Variants in LRRTM4 observed in about 807,000 individuals in gnomAD.
LRRTM4 encodes the protein leucine-rich repeat transmembrane neuronal protein 4.
In LRRTM4, 25 loss-of-function variants were observed where a neutral mutation model predicts 47.6. The observed-to-expected ratio is 0.53, with a 90% confidence interval of 0.38 to 0.73. LRRTM4 has a LOEUF of 0.73. Ranked by LOEUF, LRRTM4 falls within the 30% of genes least tolerant of loss-of-function variation. The pLI, the probability that LRRTM4 is intolerant of heterozygous loss-of-function variation, is 0.00. For missense variants in LRRTM4, 638 were observed against 713.4 expected (o/e 0.89, Z 1.20); for synonymous variants, 311 against 269.5 (o/e 1.15, Z -1.51).
chr2:77,137,927 A>G (rs1251456326), intron 3 of LRRTM4, among the ~76,000 whole-genome samples: 2 of 152,160 alleles, frequency 1.3e-5, no homozygotes, highest in African/African-American at 4.8e-5. Context: ...AGAGCTAACT[A>G]TCCTAAATAT....
rs546798104 is a variant in LRRTM4 at position 77,164,634 on chromosome 2, A to T, written c.1551+353684T>A. 2.0e-5 allele frequency among the ~76,000 whole-genome samples: 3 copies of T among 152,346 alleles called. No individual in the cohort carries two copies. In the South Asian group the frequency reaches 6.2e-4, roughly 32 times the overall value. ...CTGTCTCTCAGACCACAGTGCAATC[A>T]AACTAGAACTCAGGATTAAGAAACC... is the stretch of plus-strand genomic sequence containing the variant. On this transcript the variant is annotated intron_variant, in intron 3 of 3. Transcript: ENST00000409884.
chr2:77,030,849 T>G (rs1411635120), intron 3 of LRRTM4, among the ~76,000 whole-genome samples: 1 of 152,226 alleles, frequency 6.6e-6, no homozygotes, highest in Non-Finnish European at 1.5e-5. Flanking sequence ...CATGCATTTC[T>G]TTTGGCAATA....
At chr2:77,122,958 C>T (rs1016837159) in intron 3 of LRRTM4, among the ~76,000 whole-genome samples, 1 of 151,676 alleles carries the variant, frequency 6.6e-6, no homozygotes, top group Non-Finnish European at 1.5e-5. Context: ...ATATCTCCTC[C>T]AAGAGTCAGA....
intron 3 of LRRTM4, among the ~76,000 whole-genome samples, chr2:77,312,574 C>A (rs1323184110): frequency 6.6e-6 from 1 of 152,066 alleles, no homozygotes; most frequent in Non-Finnish European, 1.5e-5. Flanking sequence ...GAAACCTATA[C>A]TTCAATTAGT....
At chr2:77,491,304 T>G (rs1327782716) in intron 3 of LRRTM4, among the ~76,000 whole-genome samples, 1 of 151,404 alleles carries the variant, frequency 6.6e-6, no homozygotes, top group Non-Finnish European at 1.5e-5. Flanking sequence ...GAGGAAGGTA[T>G]ATGAAAGCCA....
intron 3 of LRRTM4, among the ~76,000 whole-genome samples, chr2:77,498,685 C>T (rs887187017): frequency 2.4e-4 from 37 of 151,898 alleles, no homozygotes; most frequent in Non-Finnish European, 3.1e-4. Flanking sequence ...TTACTTACTC[C>T]TAACATTGCC....
At chr2:76,838,081 T>TATAATA (rs569558033) in intron 3 of LRRTM4, among the ~76,000 whole-genome samples, 3 of 142,840 alleles carry the variant, frequency 2.1e-5, no homozygotes, top group Non-Finnish European at 3.1e-5. Flanking sequence ...AAACTTAAAG[T>TATAATA]ATAATAATAA....
intron 3 of LRRTM4, among the ~76,000 whole-genome samples, chr2:77,411,632 T>A (rs1366448977): frequency 7.0e-6 from 1 of 142,648 alleles, no homozygotes; most frequent in Non-Finnish European, 1.5e-5. Context: ...TTTTTTTTTT[T>A]TTTTTTTTTT....
intron 3 of LRRTM4, among the ~76,000 whole-genome samples, chr2:77,223,191 T>C (rs1015007511): frequency 3.8e-4 from 58 of 152,144 alleles, no homozygotes; most frequent in African/African-American, 1.4e-3. Context: ...ATAAATTAGG[T>C]ATTGATGGGG....
In LRRTM4 at chr2:77,406,499, A is replaced by T. The variant is rs553766982; in HGVS notation, c.1551+111819T>A. On this transcript the variant is annotated intron_variant, in intron 3 of 3. Coordinates refer to ENST00000409884, the MANE Select transcript of LRRTM4 (RefSeq NM_001134745.3). ...TTTCCTTTTTTAGAGACAAGGTCTC[A>T]CTATGTTGCTCAGGCTGGTCTTGAA... 1.1e-3 allele frequency among the ~76,000 whole-genome samples: 161 copies of T among 152,114 alleles called. 2 individuals are homozygous for T. Among genetic ancestry groups the T allele is most frequent in the Middle Eastern group, 3.4e-3 (1 of 294 alleles).
intron 3 of LRRTM4, among the ~76,000 whole-genome samples, chr2:77,179,078 G>A (rs57164650): frequency 5.6e-4 from 85 of 152,084 alleles, no homozygotes; most frequent in African/African-American, 1.7e-3. Flanking sequence ...GCATTTTTGC[G>A]TAATACAAAA....
At chr2:77,441,338 A>C (rs1309924653) in intron 3 of LRRTM4, among the ~76,000 whole-genome samples, 1 of 152,230 alleles carries the variant, frequency 6.6e-6, no homozygotes, top group Non-Finnish European at 1.5e-5. Flanking sequence ...CTTGTTGAAC[A>C]AATATATTGT....
chr2:77,251,142 T>C (rs1162822799), intron 3 of LRRTM4, among the ~76,000 whole-genome samples: 4 of 139,044 alleles, frequency 2.9e-5, no homozygotes, highest in African/African-American at 1.1e-4. Context: ...TATATGTATA[T>C]ATATGTGTGT....
At chr2:77,268,691 C>G (rs894527480) in intron 3 of LRRTM4, among the ~76,000 whole-genome samples, 2 of 152,084 alleles carry the variant, frequency 1.3e-5, no homozygotes, top group Non-Finnish European at 2.9e-5. Flanking sequence ...TATTTTAACT[C>G]TATGAAAACA....
At chr2:76,771,778 C>T (rs1673723304) in intron 3 of LRRTM4, among the ~76,000 whole-genome samples, 1 of 152,116 alleles carries the variant, frequency 6.6e-6, no homozygotes, top group Admixed American at 6.5e-5. Flanking sequence ...TGGTCCCTTC[C>T]TTTGCCTCTA....
intron 3 of LRRTM4, among the ~76,000 whole-genome samples, chr2:77,511,395 T>C (rs1678983385): frequency 6.6e-6 from 1 of 151,990 alleles, no homozygotes. Context: ...TTAAATGAAA[T>C]ATTTCAAAGT....
intron 3 of LRRTM4, among the ~76,000 whole-genome samples, chr2:76,946,097 G>T (rs1181231640): frequency 1.3e-5 from 2 of 151,792 alleles, no homozygotes; most frequent in African/African-American, 4.8e-5. Flanking sequence ...GGATAATAAT[G>T]CCTTAAAAGT....
intron 3 of LRRTM4, among the ~76,000 whole-genome samples, chr2:76,924,431 A>T (rs1368708657): frequency 6.6e-6 from 1 of 152,116 alleles, no homozygotes; most frequent in African/African-American, 2.4e-5. Context: ...AGAACTTGAT[A>T]GATGTAGCTA....
chr2:76,868,684 C>G (rs1179735227), intron 3 of LRRTM4, among the ~76,000 whole-genome samples: 1 of 152,096 alleles, frequency 6.6e-6, no homozygotes, highest in African/African-American at 2.4e-5. Flanking sequence ...AAAAAATATT[C>G]AGTGGATTTG....
Sources: gnomAD v4.1 joint callset for allele counts (sites outside exome capture counted in the v4.1 genomes callset) on GRCh38, gnomAD v4.1.1 for gene constraint, MANE v1.5 for transcripts, NCBI Gene and HGNC (gene_info 2026-07-23, HGNC 2026-07-21) for gene names.